The following SLC4A4 variants were observed in gnomAD, a reference collection of about 807,000 sequenced individuals.
SLC4A4 encodes electrogenic sodium bicarbonate cotransporter 1.
SLC4A4 carries 27 observed loss-of-function variants against 111.5 expected under a neutral mutation model. The ratio of observed to expected loss-of-function variants is 0.24; its 90% CI spans 0.18 to 0.33. The LOEUF (loss-of-function observed/expected upper bound fraction) is 0.33. Ranked by LOEUF, SLC4A4 falls within the 10% of genes least tolerant of loss-of-function variation. SLC4A4 has a pLI of 1.00. For synonymous variants in SLC4A4, 443 were observed against 463.4 expected, an observed-to-expected ratio of 0.96 and a Z score of 0.57; for missense variants, 909 against 1,315.5, an observed-to-expected ratio of 0.69 and a Z score of 4.78.
At chr4:71,398,697 C>A (rs1720073501) in intron 7 of SLC4A4, among the ~76,000 whole-genome samples, 1 of 152,088 alleles carries the variant, frequency 6.6e-6, no homozygotes, top group Non-Finnish European at 1.5e-5. Flanking sequence ...GAACATGAAG[C>A]AAGAAAATCT....
upstream of SLC4A4, among the ~76,000 whole-genome samples, chr4:71,185,337 C>T (rs969849598): frequency 6.6e-6 from 1 of 152,182 alleles, no homozygotes; most frequent in Non-Finnish European, 1.5e-5. Context: ...GCTTACTTTG[C>T]GGTTGCTGAT....
At chr4:71,105,790 T>G (rs1742898777) in intron 2 of SLC4A4, among the ~76,000 whole-genome samples, 1 of 114,630 alleles carries the variant, frequency 8.7e-6, no homozygotes, top group Non-Finnish European at 1.8e-5. Flanking sequence ...ATTAAAGACT[T>G]AAACATTAGA....
intron 12 of SLC4A4, 120 bp from the exon 13 acceptor site, chr4:71,466,324 T>A (rs1727307908): frequency 9.2e-7 from 1 of 1,083,556 alleles, no homozygotes; most frequent in African/African-American, 1.6e-5. Flanking sequence ...TCTTCATTCT[T>A]GATATGTTTG....
At chr4:71,481,765 A>G (rs1005121127) in intron 14 of SLC4A4, among the ~76,000 whole-genome samples, 1 of 151,748 alleles carries the variant, frequency 6.6e-6, no homozygotes, top group South Asian at 2.1e-4. Flanking sequence ...TCATTCCCTC[A>G]TTCCAGAAAA....
In SLC4A4 at chr4:71,217,636, T is replaced by C. The variant is rs1718516108; in HGVS notation, c.-1-18940T>C. Among the ~76,000 whole-genome samples the C allele has an allele frequency of 2.0e-5, 3 of 152,324 alleles. No homozygotes were observed. In the South Asian group the frequency reaches 6.2e-4, roughly 32 times the overall value. The stretch of plus-strand genomic sequence containing the variant: ...TAGCTTAGAGAGTAGTTTTTATCTG[T>C]AGATGCTTATTATATGGTTGCTTTT... On this transcript the variant is annotated intron_variant, in intron 1 of 25. Coordinates refer to ENST00000264485, the MANE Select transcript of SLC4A4 (RefSeq NM_001098484.3).
At chr4:71,505,690 T>C (rs1427528074) in intron 16 of SLC4A4, among the ~76,000 whole-genome samples, 1 of 152,200 alleles carries the variant, frequency 6.6e-6, no homozygotes, top group East Asian at 1.9e-4. Context: ...AGCTCTTTAG[T>C]TTAATTAGAT....
intron 7 of SLC4A4, among the ~76,000 whole-genome samples, chr4:71,405,785 A>C (rs956277006): frequency 3.3e-5 from 5 of 152,202 alleles, no homozygotes; most frequent in African/African-American, 1.2e-4. Context: ...AATGAAAAGA[A>C]TCTCAGTATC....
intron 7 of SLC4A4, among the ~76,000 whole-genome samples, chr4:71,427,705 C>T (rs891657418): frequency 2.0e-5 from 3 of 152,170 alleles, no homozygotes; most frequent in Middle Eastern, 3.4e-3. Flanking sequence ...TTGCTTTTGG[C>T]TGGCATTTGG....
intron 3 of SLC4A4, among the ~76,000 whole-genome samples, chr4:71,323,329 T>C (rs1939255097): frequency 6.6e-6 from 1 of 151,996 alleles, no homozygotes; most frequent in African/African-American, 2.4e-5. Context: ...ATACATATTA[T>C]ATAAGTTAAT....
In SLC4A4 at chr4:71,543,667, A is replaced by G. The variant is rs955717996; in HGVS notation, c.2443-2683A>G. 3.3e-5 allele frequency among the ~76,000 whole-genome samples: 5 copies of G among 152,168 alleles called. No individual in the cohort carries two copies. The South Asian group carries it at 1.0e-3, about 32-fold the overall frequency. ...TGGGTGACTTTTTTTTACATAAGCT[A>G]TTCTTTTGACCCATTCATCTGGCTA... On this transcript the variant is annotated intron_variant, in intron 18 of 25. Transcript: ENST00000264485.
rs983955294 is a variant in SLC4A4 at position 71,134,414 on chromosome 4, A to T, written c.-2+41622A>T. On this transcript the variant is annotated intron_variant, in intron 2 of 26. Transcript: ENST00000649996. ...GGCCTTGGCCTTGGTGATAGTGCTT[A>T]TAAGGCTTGTTGTCTACACCAGTTT... 4.0e-5 allele frequency among the ~76,000 whole-genome samples: 6 copies of T among 151,326 alleles called. No homozygotes were observed. In the East Asian group the frequency reaches 1.2e-3, roughly 29 times the overall value.
At chr4:71,376,268 A>G (rs193228093) in intron 6 of SLC4A4, among the ~76,000 whole-genome samples, 1,876 of 149,108 alleles carry the variant, frequency 0.013, 41 homozygotes, top group African/African-American at 0.044. Context: ...GTGGCGCGAT[A>G]TCGGCTCACT....
At chr4:71,196,865 A>AAAAAG (rs1746030222) in intron 1 of SLC4A4, among the ~76,000 whole-genome samples, 1 of 140,334 alleles carries the variant, frequency 7.1e-6, no homozygotes, top group Non-Finnish European at 1.5e-5. Flanking sequence ...AAAAAAAAAA[A>AAAAAG]AAAAAAAAAT....
intron 1 of SLC4A4, among the ~76,000 whole-genome samples, chr4:71,191,205 A>G (rs745940042): frequency 8.5e-5 from 13 of 152,324 alleles, no homozygotes; most frequent in South Asian, 4.1e-4. Flanking sequence ...AATATTTTCA[A>G]TTTATGATGG....
chr4:71,093,485 G>A (rs1156818354), intron 2 of SLC4A4, among the ~76,000 whole-genome samples: 2 of 152,100 alleles, frequency 1.3e-5, no homozygotes, highest in Non-Finnish European at 2.9e-5. Flanking sequence ...CCTCCTTTCT[G>A]TCTTTACTTT....
At chr4:71,212,862 C>T (rs1718212076) in intron 1 of SLC4A4, among the ~76,000 whole-genome samples, 2 of 152,126 alleles carry the variant, frequency 1.3e-5, no homozygotes, top group Admixed American at 1.3e-4. Flanking sequence ...TACAGTCATT[C>T]CTTGCATAAC....
chr4:71,144,087 A>C (rs146627798), intron 2 of SLC4A4, among the ~76,000 whole-genome samples: 1 of 152,172 alleles, frequency 6.6e-6, no homozygotes, highest in Non-Finnish European at 1.5e-5. Context: ...TAGGTCTAAC[A>C]TGTAAGTATT....
At chr4:71,443,613 C>A (rs947679796) in intron 8 of SLC4A4, among the ~76,000 whole-genome samples, 4 of 151,992 alleles carry the variant, frequency 2.6e-5, no homozygotes, top group African/African-American at 9.7e-5. Flanking sequence ...TAGGGAGATT[C>A]TAGAAAAGAT....
chr4:71,250,250 A>C (rs1330137401), intron 2 of SLC4A4, among the ~76,000 whole-genome samples: 1 of 152,226 alleles, frequency 6.6e-6, no homozygotes, highest in East Asian at 1.9e-4. Context: ...TAGATAAGCC[A>C]GGGAAGGCAG....
Sources: allele counts gnomAD v4.1 joint callset (sites outside exome capture counted in the v4.1 genomes callset), GRCh38; gene constraint gnomAD v4.1.1; transcripts MANE v1.5; gene names NCBI Gene and HGNC (gene_info 2026-07-23, HGNC 2026-07-21).